Variants in PDE1A observed in about 807,000 individuals in gnomAD.
PDE1A encodes phosphodiesterase 1A, also known as dual specificity calcium/calmodulin-dependent 3',5'-cyclic nucleotide phosphodiesterase 1A.
Under a neutral mutation model 61.7 loss-of-function variants are expected in PDE1A, and 35 were observed. The observed-to-expected ratio is 0.57, with a 90% CI of 0.43 to 0.75. PDE1A has a LOEUF of 0.75. Among genes scored for constraint, PDE1A ranks in the 30% least tolerant of loss-of-function variants. The probability of loss-of-function intolerance (pLI) is 0.00; values close to 1 mark genes in which losing one functional copy is unlikely to be tolerated. For missense variants in PDE1A, 597 were observed against 630.6 expected, an observed-to-expected ratio of 0.95 and a Z score of 0.57; for synonymous variants, 232 against 213.2, an observed-to-expected ratio of 1.09 and a Z score of -0.77.
the PDE1A span, among the ~76,000 whole-genome samples, chr2:182,583,591 C>G: frequency 2.0e-5 from 3 of 152,094 alleles, no homozygotes. Context: ...TTCTCCTCAC[C>G]CCGGCTCTTA....
the PDE1A span, among the ~76,000 whole-genome samples, chr2:182,648,761 A>T: frequency 6.6e-6 from 1 of 152,094 alleles, no homozygotes; most frequent in Non-Finnish European, 1.5e-5. Flanking sequence ...AATTAATTTA[A>T]ATAAACACCA....
chr2:182,247,250 G>T (rs184532667), intron 2 of PDE1A, among the ~76,000 whole-genome samples: 8 of 151,818 alleles, frequency 5.3e-5, no homozygotes, highest in Non-Finnish European at 1.2e-4. Flanking sequence ...TCACAGGAAA[G>T]AAAACTTAAA....
At chr2:182,535,672 A>G in the PDE1A span, among the ~76,000 whole-genome samples, 1 of 152,080 alleles carries the variant, frequency 6.6e-6, no homozygotes, top group Admixed American at 6.6e-5. Context: ...ACGGGGGTAT[A>G]TAATTAATTT....
At chr2:182,176,730 G>A (rs1692833151) in intron 13 of PDE1A, among the ~76,000 whole-genome samples, 1 of 143,924 alleles carries the variant, frequency 6.9e-6, no homozygotes, top group African/African-American at 2.6e-5. Context: ...ATGTTGAATA[G>A]GAGTGGTGAG....
At chr2:182,214,008 C>T (rs1687917777) in intron 7 of PDE1A, among the ~76,000 whole-genome samples, 2 of 139,094 alleles carry the variant, frequency 1.4e-5, no homozygotes, top group Admixed American at 1.5e-4. Context: ...ATGTTAAGGG[C>T]AGCCAGAGAG....
At chr2:182,627,194 T>TTATATTATTTATATATAAAATATAAATAA in the PDE1A span, among the ~76,000 whole-genome samples, 124 of 15,716 alleles carry the variant, frequency 7.9e-3, 7 homozygotes, top group Middle Eastern at 0.083. Flanking sequence ...AATATAAATA[T>TTATATTATTTATATATAAAATATAAATAA]TATATTATTT....
the PDE1A span, among the ~76,000 whole-genome samples, chr2:182,533,378 G>A: frequency 6.6e-6 from 1 of 152,080 alleles, no homozygotes; most frequent in Non-Finnish European, 1.5e-5. Context: ...ATGTTCTATT[G>A]ATATATCAAT....
upstream of PDE1A, among the ~76,000 whole-genome samples, chr2:182,526,378 A>G (rs1164051703): frequency 6.6e-6 from 1 of 152,208 alleles, no homozygotes; most frequent in African/African-American, 2.4e-5. Flanking sequence ...ACAGCCTTGT[A>G]TTATAATCAG....
At chr2:182,647,463 T>C in the PDE1A span, among the ~76,000 whole-genome samples, 1 of 152,238 alleles carries the variant, frequency 6.6e-6, no homozygotes, top group African/African-American at 2.4e-5. Context: ...CTTTATGTGC[T>C]TTGTTTTTAT....
intron 1 of PDE1A, among the ~76,000 whole-genome samples, chr2:182,283,569 A>T (rs540250239): frequency 1.7e-4 from 26 of 152,034 alleles, no homozygotes; most frequent in Admixed American, 2.6e-4. Flanking sequence ...GAGTTTTTTT[A>T]AAAAAAATCT....
At chr2:182,321,645 G>GT (rs1381201814) in intron 1 of PDE1A, among the ~76,000 whole-genome samples, 1 of 152,052 alleles carries the variant, frequency 6.6e-6, no homozygotes, top group Non-Finnish European at 1.5e-5. Flanking sequence ...CTGAACACCT[G>GT]TTTTTTCACT....
chr2:182,602,673 C>T, the PDE1A span, among the ~76,000 whole-genome samples: 13 of 152,138 alleles, frequency 8.5e-5, no homozygotes, highest in African/African-American at 3.1e-4. Context: ...ACAATCAGCC[C>T]ATGATTGGTG....
chr2:182,234,339 G>C (rs1689832565), intron 4 of PDE1A, 93 bp downstream of exon 4: 1 of 778,912 alleles, frequency 1.3e-6, no homozygotes, highest in Admixed American at 2.3e-5. Context: ...GATGTAGGCT[G>C]CAGTAAAGAC....
At chr2:182,571,280 A>G in the PDE1A span, among the ~76,000 whole-genome samples, 3 of 152,218 alleles carry the variant, frequency 2.0e-5, no homozygotes, top group Non-Finnish European at 4.4e-5. Context: ...TCATTGAAAT[A>G]TCACCAAGAG....
the PDE1A span, among the ~76,000 whole-genome samples, chr2:182,632,267 G>A: frequency 4.6e-5 from 7 of 152,024 alleles, no homozygotes; most frequent in Non-Finnish European, 7.4e-5. Context: ...TTTAAGTTAC[G>A]AGTATATTTT....
chr2:182,273,446 T>A (rs1559281731), intron 1 of PDE1A, among the ~76,000 whole-genome samples: 1 of 149,760 alleles, frequency 6.7e-6, no homozygotes, highest in African/African-American at 2.4e-5. Context: ...AAGCCAAGGA[T>A]AAAAAAAAAT....
At chr2:182,357,083 C>T (rs576807854) in intron 1 of PDE1A, among the ~76,000 whole-genome samples, 49 of 151,586 alleles carry the variant, frequency 3.2e-4, no homozygotes, top group Non-Finnish European at 5.3e-4. Flanking sequence ...CTAATGTAAA[C>T]GATGAGTTAA....
chr2:182,676,473 G>A, the PDE1A span, among the ~76,000 whole-genome samples: 31 of 150,398 alleles, frequency 2.1e-4, no homozygotes, highest in Non-Finnish European at 3.4e-4. Context: ...ATTCACAGCC[G>A]AATTCTACCA....
chr2:182,426,617 A>C, exon 1 of PDE1A: 1 of 1,612,512 alleles, frequency 6.2e-7, no homozygotes, highest in Non-Finnish European at 8.5e-7. Context: ...CCTGATTGTG[A>C]CATGGTCATC....
Sources: gnomAD v4.1 joint callset for allele counts (sites outside exome capture counted in the v4.1 genomes callset) on GRCh38, gnomAD v4.1.1 for gene constraint, MANE v1.5 for transcripts, NCBI Gene and HGNC (gene_info 2026-07-23, HGNC 2026-07-21) for gene names.